MCOLN3: variants seen among roughly 807,000 people sequenced by gnomAD.
The protein encoded by MCOLN3 is mucolipin TRP cation channel 3.
A neutral mutation model predicts 69.4 loss-of-function variants in MCOLN3; 62 were observed. The ratio of observed to expected loss-of-function variants is 0.89; its 90% CI spans 0.73 to 1.10. The LOEUF is 1.10. Among genes scored for constraint, MCOLN3 ranks in the 50% least tolerant of loss-of-function variants. MCOLN3 has a pLI of 0.00. For missense variants in MCOLN3, 564 were observed against 656.4 expected (o/e 0.86, Z 1.54); for synonymous variants, 183 against 217.0 (o/e 0.84, Z 1.38).
In MCOLN3 at chr1:85,026,154, G is replaced by A. The variant is rs1172796580; in HGVS notation, c.945+18C>T. On this transcript the variant is annotated intron_variant, in intron 8 of 12. Coordinates refer to ENST00000370589, the MANE Select transcript of MCOLN3 (RefSeq NM_018298.11). Reference sequence around the variant, plus strand: ...AATCAAAATGTCAGTAGCATTCCTAGAAAGCAACGTTCCCTACCTGCTGAA... The same window carrying A: ...AATCAAAATGTCAGTAGCATTCCTAAAAAGCAACGTTCCCTACCTGCTGAA... 6.2e-7 allele frequency: 1 copy of A among 1,613,368 alleles called. No individual in the cohort carries two copies. The highest frequency in any genetic ancestry group is 8.5e-7 in the Non-Finnish European group (1 of 1,179,372).
At chr1:85,048,135 A>G (rs1653475412) in intron 1 of MCOLN3, among the ~76,000 whole-genome samples, 1 of 151,942 alleles carries the variant, frequency 6.6e-6, no homozygotes, top group Non-Finnish European at 1.5e-5. Context: ...GGAGCAGAGC[A>G]CCCCCACCCG....
chr1:85,020,801 T>A (rs1651890416), intron 12 of MCOLN3, among the ~76,000 whole-genome samples: 3 of 152,240 alleles, frequency 2.0e-5, no homozygotes, highest in African/African-American at 7.2e-5. Flanking sequence ...TTTTTACTCT[T>A]TGCCCCCCAG....
intron 3 of MCOLN3, among the ~76,000 whole-genome samples, chr1:85,039,127 T>G (rs999809211): frequency 1.3e-5 from 2 of 152,192 alleles, no homozygotes; most frequent in Non-Finnish European, 2.9e-5. Context: ...CATAAAAATT[T>G]TGATCAAGAC....
intron 3 of MCOLN3, among the ~76,000 whole-genome samples, chr1:85,038,367 G>A (rs1439945185): frequency 6.6e-6 from 1 of 152,104 alleles, no homozygotes; most frequent in Non-Finnish European, 1.5e-5. Context: ...CAATAAAGCT[G>A]ACCCAAAAAT....
intron 1 of MCOLN3, among the ~76,000 whole-genome samples, chr1:85,045,712 G>C (rs1447554329): frequency 6.6e-6 from 1 of 152,162 alleles, no homozygotes; most frequent in Non-Finnish European, 1.5e-5. Flanking sequence ...CCTGGGGGAA[G>C]GACTTCAGAG....
chr1:85,040,297 C>T (rs1652997362), intron 3 of MCOLN3, among the ~76,000 whole-genome samples: 2 of 152,064 alleles, frequency 1.3e-5, no homozygotes, highest in Admixed American at 6.6e-5. Context: ...AATGAATAGC[C>T]ATGATTATAC....
rs147642450 is a variant in MCOLN3 at position 85,031,948 on chromosome 1, C to T, written c.732+748G>A. ...AAAATTAGCCGGGCATGGTGGCGGACGCCTGTGGTCCCAGCTACTCAGGAG... is the reference window on the plus strand; with the variant it reads ...AAAATTAGCCGGGCATGGTGGCGGATGCCTGTGGTCCCAGCTACTCAGGAG... On this transcript the variant is annotated intron_variant, in intron 6 of 12. Coordinates refer to ENST00000370589, the MANE Select transcript of MCOLN3 (RefSeq NM_018298.11). Among the ~76,000 whole-genome samples the T allele has an allele frequency of 6.5e-3, 990 of 151,924 alleles. 10 individuals are homozygous for T. The highest frequency in any genetic ancestry group is 0.023 in the African/African-American group (936 of 41,436).
At chr1:85,029,266 C>T (rs1367984334) in intron 6 of MCOLN3, 61 bp from the exon 7 acceptor site, 1 of 991,578 alleles carries the variant, frequency 1.0e-6, no homozygotes. Flanking sequence ...GAAACCTCTA[C>T]ACATTAATTA....
At chr1:85,025,718 C>T in intron 9 of MCOLN3, 1 of 498,512 alleles carries the variant, frequency 2.0e-6, no homozygotes, top group East Asian at 3.8e-5. Context: ...TACCAGGCAC[C>T]CAATGATTCT....
At position 85,022,318 on chromosome 1, in the gene MCOLN3, C is replaced by T. The variant is rs769510143; in HGVS notation, c.1178G>A (p.Gly393Asp). 4.3e-6 allele frequency: 7 copies of T among 1,613,844 alleles called. No homozygotes were observed. In the Admixed American group the frequency reaches 1.0e-4, roughly 23 times the overall value. Residue 393 changes from glycine (G) to aspartate (D), a missense_variant, in exon 10 of 13, where the codon GGT becomes GAT. By Grantham distance (94) the Gly-to-Asp change is moderately conservative (BLOSUM62 -1). Transcript: ENST00000370589. ...LVWLGVIRYL[G>D]FFAKYNLLIL... ...CCTTACGTTGTACTTTGCAAAGAAACCGAGGTATCGGATGACTCCAAGCCA... is the reference window on the plus strand; with the variant it reads ...CCTTACGTTGTACTTTGCAAAGAAATCGAGGTATCGGATGACTCCAAGCCA...
intron 3 of MCOLN3, among the ~76,000 whole-genome samples, chr1:85,035,379 C>A (rs1158006594): frequency 6.6e-6 from 1 of 152,202 alleles, no homozygotes; most frequent in East Asian, 1.9e-4. Flanking sequence ...TCAGCTCTGA[C>A]CTTTCCACTG....
At position 85,022,042 on chromosome 1, in the gene MCOLN3, T is replaced by A. The variant is rs765892423; in HGVS notation, c.1320+28A>T. On this transcript the variant is annotated intron_variant, in intron 11 of 12. Transcript: ENST00000370589. Reference sequence around the variant, plus strand: ...TGGCACTATGCTAAAAGCTTAATAGTAACAGGAAAAAAGTTGTTTATCAGT... The same window carrying A: ...TGGCACTATGCTAAAAGCTTAATAGAAACAGGAAAAAAGTTGTTTATCAGT... 1.9e-6 allele frequency: 3 copies of A among 1,602,598 alleles called. No homozygotes were observed. In the East Asian group the frequency reaches 6.7e-5, roughly 36 times the overall value.
intron 2 of MCOLN3, among the ~76,000 whole-genome samples, chr1:85,043,116 G>A (rs900643157): frequency 6.6e-6 from 1 of 152,134 alleles, no homozygotes; most frequent in African/African-American, 2.4e-5. Flanking sequence ...ATCTGAGTTT[G>A]AATATCAGTT....
chr1:85,043,610 T>C (rs1653187688), intron 2 of MCOLN3, among the ~76,000 whole-genome samples: 1 of 152,126 alleles, frequency 6.6e-6, no homozygotes, highest in Non-Finnish European at 1.5e-5. Context: ...GTGGTACCTA[T>C]TATTATTCTA....
At chr1:85,029,423 A>C (rs1652394126) in intron 6 of MCOLN3, 1 of 479,620 alleles carries the variant, frequency 2.1e-6, no homozygotes, top group Admixed American at 3.6e-5. Flanking sequence ...GTAGTCTCTA[A>C]AACATTATAT....
At position 85,020,256 on chromosome 1, in the gene MCOLN3, C is replaced by A. The variant is rs182590188; in HGVS notation, c.1527+814G>T. On this transcript the variant is annotated intron_variant, in intron 12 of 12. Transcript: ENST00000370589. ...TGTTCAGTGAGGATGAAGTCACAGC[C>A]CTGGCTTCATGAGCAAAGTATTCAT... 2.0e-5 allele frequency among the ~76,000 whole-genome samples: 3 copies of A among 152,260 alleles called. 1 individual carries two copies. In the East Asian group the frequency reaches 5.8e-4, roughly 29 times the overall value.
In MCOLN3 at chr1:85,048,394, A is replaced by T. The variant is rs928726834; in HGVS notation, c.-3+2T>A. ...CCCCGGGGCAGCGCCCCGCGGGCTCACCTGGGGGACAGCGGGGAGCGGCCG... is the reference window on the plus strand; with the variant it reads ...CCCCGGGGCAGCGCCCCGCGGGCTCTCCTGGGGGACAGCGGGGAGCGGCCG... On this transcript the variant is annotated splice_donor_variant, in intron 1 of 12. Coordinates refer to ENST00000370589, the MANE Select transcript of MCOLN3 (RefSeq NM_018298.11). LOFTEE classifies it low-confidence loss of function (5UTR_SPLICE). 2.0e-5 allele frequency: 3 copies of T among 151,776 alleles called. No individual in the cohort carries two copies. The highest frequency in any genetic ancestry group is 2.0e-4 in the East Asian group (1 of 5,126). The allele number at this position is 151,776 out of a possible 1,614,324, so 9.4% of individuals were successfully genotyped here. A position where few individuals can be genotyped will look rare whatever the true frequency, so the allele number is the denominator to read the frequency against.
At chr1:85,031,514 T>C (rs1652520571) in intron 6 of MCOLN3, among the ~76,000 whole-genome samples, 1 of 152,112 alleles carries the variant, frequency 6.6e-6, no homozygotes. Context: ...CATAAATACG[T>C]ATTCGTAAAA....
At chr1:85,021,977 C>T in intron 11 of MCOLN3, 93 bp downstream of exon 11, 1 of 1,471,716 alleles carries the variant, frequency 6.8e-7, no homozygotes, top group Non-Finnish European at 9.2e-7. Context: ...GGCTGAATCA[C>T]AAAATAAAAG....
Sources: gnomAD v4.1 joint callset for allele counts (sites outside exome capture counted in the v4.1 genomes callset) on GRCh38, gnomAD v4.1.1 for gene constraint, MANE v1.5 for transcripts, NCBI Gene and HGNC (gene_info 2026-07-23, HGNC 2026-07-21) for gene names.